PTPRK: variants seen among roughly 807,000 people sequenced by gnomAD.
The protein encoded by PTPRK is protein tyrosine phosphatase receptor type K.
PTPRK carries 75 observed loss-of-function variants against 178.0 expected under a neutral mutation model. The observed-to-expected ratio is 0.42, with a 90% CI of 0.35 to 0.51. PTPRK has a LOEUF of 0.51. Among genes scored for constraint, PTPRK ranks in the 20% least tolerant of loss-of-function variants. The probability of loss-of-function intolerance (pLI) is 0.02; values close to 1 mark genes in which losing one functional copy is unlikely to be tolerated. For synonymous variants in PTPRK, 637 were observed against 620.6 expected, an observed-to-expected ratio of 1.03 and a Z score of -0.39; for missense variants, 1,441 against 1,797.8, an observed-to-expected ratio of 0.80 and a Z score of 3.59.
chr6:128,241,969 T>G (rs967634210), intron 4 of PTPRK, among the ~76,000 whole-genome samples: 3 of 146,848 alleles, frequency 2.0e-5, no homozygotes, highest in African/African-American at 7.6e-5. Context: ...TTTTTTTTTG[T>G]AAGTAGAGAT....
chr6:128,169,631 T>A (rs541782091), intron 7 of PTPRK, among the ~76,000 whole-genome samples: 2 of 152,048 alleles, frequency 1.3e-5, no homozygotes, highest in South Asian at 4.1e-4. Flanking sequence ...TCATTTAACA[T>A]TGTATTATGT....
chr6:128,371,346 T>G (rs760004675), intron 2 of PTPRK, among the ~76,000 whole-genome samples: 2 of 152,206 alleles, frequency 1.3e-5, no homozygotes, highest in Non-Finnish European at 2.9e-5. Flanking sequence ...CATTTCTAAC[T>G]CAGATTGATA....
At chr6:128,219,724 C>T (rs779581109) in intron 5 of PTPRK, among the ~76,000 whole-genome samples, 1 of 152,214 alleles carries the variant, frequency 6.6e-6, no homozygotes, top group Non-Finnish European at 1.5e-5. Flanking sequence ...TCATTGCCCC[C>T]ATGCTCTCAG....
chr6:128,424,450 C>T (rs1843863648), intron 1 of PTPRK, among the ~76,000 whole-genome samples: 1 of 152,032 alleles, frequency 6.6e-6, no homozygotes, highest in African/African-American at 2.4e-5. Context: ...TATTCTCAGT[C>T]GTATAAAATC....
intron 13 of PTPRK, among the ~76,000 whole-genome samples, chr6:128,037,658 A>G (rs145869727): frequency 2.4e-4 from 37 of 152,326 alleles, no homozygotes; most frequent in African/African-American, 8.2e-4. Context: ...AAACCCAGTC[A>G]GATTTGGAGT....
At chr6:128,343,203 T>C (rs776162013) in intron 2 of PTPRK, among the ~76,000 whole-genome samples, 2 of 151,934 alleles carry the variant, frequency 1.3e-5, no homozygotes, top group African/African-American at 2.4e-5. Context: ...TATGTCTATA[T>C]GAAAATAAAA....
At chr6:128,024,992 T>C (rs576978830) in intron 13 of PTPRK, among the ~76,000 whole-genome samples, 9 of 152,354 alleles carry the variant, frequency 5.9e-5, no homozygotes, top group African/African-American at 2.2e-4. Context: ...ATTTACCTTT[T>C]CAACTAAGAT....
intron 3 of PTPRK, among the ~76,000 whole-genome samples, chr6:128,252,396 A>G (rs6910587): frequency 0.07 from 10,681 of 152,234 alleles, 1,028 homozygotes; most frequent in African/African-American, 0.22. Context: ...ACGATTATCA[A>G]TGGTGTTTTT....
At chr6:128,397,742 G>C (rs1425514441) in intron 1 of PTPRK, 54 bp from the exon 2 acceptor site, 1 of 1,543,412 alleles carries the variant, frequency 6.5e-7, no homozygotes, top group African/African-American at 1.4e-5. Flanking sequence ...CAAACATAAC[G>C]AAAGTTCTGG....
chr6:128,265,332 A>G (rs558500008), intron 3 of PTPRK, among the ~76,000 whole-genome samples: 3 of 152,292 alleles, frequency 2.0e-5, no homozygotes, highest in South Asian at 4.1e-4. Flanking sequence ...CTAATTTTTG[A>G]AACTTTCAAT....
chr6:128,121,658 G>T (rs1792487122), intron 7 of PTPRK, among the ~76,000 whole-genome samples: 3 of 151,918 alleles, frequency 2.0e-5, no homozygotes, highest in Admixed American at 1.3e-4. Flanking sequence ...GAAACTCAAA[G>T]GAATAAGTCA....
intron 3 of PTPRK, among the ~76,000 whole-genome samples, chr6:128,244,237 A>G (rs1815043095): frequency 6.6e-6 from 1 of 152,220 alleles, no homozygotes; most frequent in African/African-American, 2.4e-5. Flanking sequence ...TAATAACTAG[A>G]TAGATAGATT....
At chr6:128,483,826 C>T (rs1002368265) in intron 1 of PTPRK, among the ~76,000 whole-genome samples, 4 of 152,098 alleles carry the variant, frequency 2.6e-5, no homozygotes, top group Non-Finnish European at 5.9e-5. Flanking sequence ...ACTAGGCTAA[C>T]GTGATATGAA....
chr6:128,070,867 G>A (rs573276901), intron 11 of PTPRK, among the ~76,000 whole-genome samples: 4 of 151,506 alleles, frequency 2.6e-5, no homozygotes, highest in Non-Finnish European at 5.9e-5. Context: ...GATAATGGAC[G>A]TTTAAGTGTT....
chr6:128,146,424 A>G (rs9491915), intron 7 of PTPRK, among the ~76,000 whole-genome samples: 14 of 135,906 alleles, frequency 1.0e-4, no homozygotes, highest in Non-Finnish European at 1.5e-4. Flanking sequence ...GTGTGTGTTT[A>G]TGTGTGTGTG....
intron 5 of PTPRK, among the ~76,000 whole-genome samples, chr6:128,239,417 T>C (rs1181319104): frequency 6.6e-6 from 1 of 152,190 alleles, no homozygotes; most frequent in African/African-American, 2.4e-5. Flanking sequence ...GCATATTTCT[T>C]AGTCTATAGT....
intron 1 of PTPRK, among the ~76,000 whole-genome samples, chr6:128,487,848 T>A (rs2128427338): frequency 1.3e-5 from 2 of 152,292 alleles, no homozygotes; most frequent in Admixed American, 1.3e-4. Context: ...GAGAGCCTTA[T>A]CACCAGTAAG....
intron 13 of PTPRK, among the ~76,000 whole-genome samples, chr6:128,010,895 C>A (rs925539744): frequency 2.0e-5 from 3 of 151,046 alleles, no homozygotes; most frequent in African/African-American, 7.3e-5. Context: ...TCCATATATT[C>A]CGGCTGTAGG....
At chr6:128,026,199 T>A (rs1238835251) in intron 13 of PTPRK, among the ~76,000 whole-genome samples, 1 of 152,154 alleles carries the variant, frequency 6.6e-6, no homozygotes, top group Non-Finnish European at 1.5e-5. Flanking sequence ...GTAGACAACA[T>A]CTTCTCTTCA....
Sources: gnomAD v4.1 joint callset for allele counts (sites outside exome capture counted in the v4.1 genomes callset) on GRCh38, gnomAD v4.1.1 for gene constraint, MANE v1.5 for transcripts, NCBI Gene and HGNC (gene_info 2026-07-23, HGNC 2026-07-21) for gene names.